ZFYVE9: variants seen among roughly 807,000 people sequenced by gnomAD.
The protein encoded by ZFYVE9 is zinc finger FYVE domain-containing protein 9.
In ZFYVE9, 43 loss-of-function variants were observed where a neutral mutation model predicts 126.7. That is an observed-to-expected ratio of 0.34 (90% CI 0.27 to 0.44). The LOEUF (loss-of-function observed/expected upper bound fraction) is 0.44, where lower values mean the gene tolerates loss of function less well. Ranked by LOEUF, ZFYVE9 falls within the 20% of genes least tolerant of loss-of-function variation. The probability of loss-of-function intolerance (pLI) is 1.00; values close to 1 mark genes in which losing one functional copy is unlikely to be tolerated. For synonymous variants in ZFYVE9, 521 were observed against 597.4 expected (o/e 0.87, Z 1.87); for missense variants, 1,476 against 1,697.0 (o/e 0.87, Z 2.29).
At chr1:52,200,140 C>T (rs1392813827) in intron 1 of ZFYVE9, among the ~76,000 whole-genome samples, 1 of 151,400 alleles carries the variant, frequency 6.6e-6, no homozygotes, top group Admixed American at 6.6e-5. Flanking sequence ...GTCTTTTCAT[C>T]CTCTTAACAG....
chr1:52,184,237 A>ATATT (rs1004178670), intron 1 of ZFYVE9, among the ~76,000 whole-genome samples: 1 of 141,580 alleles, frequency 7.1e-6, no homozygotes, highest in African/African-American at 2.6e-5. Flanking sequence ...ATATATATAT[A>ATATT]TTTTGAGATG....
chr1:52,281,374 C>G (rs951855170), intron 9 of ZFYVE9, among the ~76,000 whole-genome samples: 4 of 152,096 alleles, frequency 2.6e-5, no homozygotes, highest in Admixed American at 2.6e-4. Flanking sequence ...ACCTCATGAT[C>G]CACCCGCCTC....
intron 3 of ZFYVE9, among the ~76,000 whole-genome samples, chr1:52,236,982 A>G (rs576670394): frequency 1.4e-3 from 219 of 152,258 alleles, no homozygotes; most frequent in African/African-American, 5.1e-3. Context: ...TAAACTTTAT[A>G]TACATTAGAA....
intron 13 of ZFYVE9, among the ~76,000 whole-genome samples, chr1:52,309,777 A>G (rs1646120715): frequency 6.6e-6 from 1 of 152,140 alleles, no homozygotes; most frequent in Non-Finnish European, 1.5e-5. Context: ...ATTTTGGAAA[A>G]CTGAGTTTGG....
intron 13 of ZFYVE9, among the ~76,000 whole-genome samples, chr1:52,307,139 A>G (rs550281972): frequency 8.5e-5 from 13 of 152,368 alleles, no homozygotes; most frequent in African/African-American, 2.6e-4. Context: ...ACATATTGCT[A>G]TCCTTGATGT....
chr1:52,297,694 C>CT (rs898800531), intron 12 of ZFYVE9, among the ~76,000 whole-genome samples: 103 of 146,796 alleles, frequency 7.0e-4, no homozygotes, highest in African/African-American at 1.4e-3. Context: ...TTCCAGTTAT[C>CT]TTTTTTTTTT....
In ZFYVE9 at chr1:52,286,033, G is replaced by T. The variant is rs184126445; in HGVS notation, c.3025+4217G>T. On this transcript the variant is annotated intron_variant, in intron 10 of 18. Transcript: ENST00000287727. The stretch of plus-strand genomic sequence containing the variant: ...TAGCCGGGTGTGATGGTGGGCGCCT[G>T]TCATCCCAGCTACTTGGGAGGCTGA... Among the ~76,000 whole-genome samples, 51 of 152,090 alleles carry T rather than the reference G, an allele frequency of 3.4e-4. 1 individual carries two copies. The highest frequency in any genetic ancestry group is 1.2e-3 in the African/African-American group (51 of 41,514).
intron 1 of ZFYVE9, among the ~76,000 whole-genome samples, chr1:52,163,950 C>A (rs1236576060): frequency 6.6e-6 from 1 of 151,952 alleles, no homozygotes; most frequent in Non-Finnish European, 1.5e-5. Flanking sequence ...TTGAATATGA[C>A]CCAAATTTCT....
chr1:52,333,037 AACC>A (rs1482528618), intron 14 of ZFYVE9, 119 bp downstream of exon 14: 1 of 1,281,490 alleles, frequency 7.8e-7, no homozygotes, highest in East Asian at 2.5e-5. Context: ...CAAATTAATT[AACC>A]TTTCCAACCA....
intron 17 of ZFYVE9, 56 bp from the exon 18 acceptor site, chr1:52,344,712 C>T (rs181527006): frequency 1.1e-5 from 18 of 1,590,834 alleles, no homozygotes; most frequent in Non-Finnish European, 1.0e-5. Flanking sequence ...GTGAGCTAAT[C>T]TACTTCTCCC....
intron 13 of ZFYVE9, among the ~76,000 whole-genome samples, chr1:52,325,214 G>T (rs1479196851): frequency 6.6e-6 from 1 of 152,132 alleles, no homozygotes; most frequent in East Asian, 1.9e-4. Context: ...GGGAGGCAGA[G>T]CTTGCAGTGA....
intron 10 of ZFYVE9, among the ~76,000 whole-genome samples, chr1:52,284,866 TA>T (rs1220992284): frequency 6.6e-6 from 1 of 152,168 alleles, no homozygotes; most frequent in East Asian, 1.9e-4. Flanking sequence ...CTAAGCCAAC[TA>T]AAAATATTTT....
At chr1:52,169,679 T>C (rs1644546344) in intron 1 of ZFYVE9, among the ~76,000 whole-genome samples, 1 of 152,210 alleles carries the variant, frequency 6.6e-6, no homozygotes, top group South Asian at 2.1e-4. Flanking sequence ...GAGGGCTTAA[T>C]CTGTACCCTT....
At chr1:52,327,092 C>T (rs541644903) in intron 13 of ZFYVE9, among the ~76,000 whole-genome samples, 30 of 151,756 alleles carry the variant, frequency 2.0e-4, no homozygotes, top group African/African-American at 7.0e-4. Flanking sequence ...ACCCAGGAGG[C>T]GAAGTTTGCA....
In ZFYVE9 at chr1:52,290,858, ATTTCC is replaced by A. The variant is rs1187079571; in HGVS notation, c.3026-2590_3026-2586del. Among the ~76,000 whole-genome samples, 4 of 152,252 alleles carry A rather than the reference ATTTCC, an allele frequency of 2.6e-5. No individual in the cohort carries two copies. In the East Asian group the frequency reaches 7.7e-4, roughly 29 times the overall value. ...GCTGGTCCTGTTAGGCATTTTATAGATTTCCTTTCATTTATTCTTTATAACACATC... is the reference window on the plus strand; with the variant it reads ...GCTGGTCCTGTTAGGCATTTTATAGATTTCATTTATTCTTTATAACACATC... On this transcript the variant is annotated intron_variant, in intron 10 of 18. Transcript: ENST00000287727.
At chr1:52,311,252 C>T (rs995242570) in intron 13 of ZFYVE9, among the ~76,000 whole-genome samples, 3 of 140,154 alleles carry the variant, frequency 2.1e-5, no homozygotes, top group Non-Finnish European at 3.0e-5. Flanking sequence ...TCAAATAGAC[C>T]TTGGATTGAT....
intron 4 of ZFYVE9, among the ~76,000 whole-genome samples, chr1:52,260,178 A>G (rs1447029049): frequency 6.6e-6 from 1 of 152,066 alleles, no homozygotes; most frequent in Non-Finnish European, 1.5e-5. Context: ...CTATACCCTC[A>G]CCACCGTTAG....
intron 2 of ZFYVE9, among the ~76,000 whole-genome samples, chr1:52,229,357 C>G (rs1439873868): frequency 1.3e-5 from 2 of 152,146 alleles, no homozygotes; most frequent in Non-Finnish European, 2.9e-5. Context: ...TGTGGTGGTA[C>G]TGAGTTAAAT....
intron 4 of ZFYVE9, chr1:52,252,875 G>A (rs554983121): frequency 2.3e-5 from 5 of 212,882 alleles, no homozygotes; most frequent in Non-Finnish European, 5.1e-5. Context: ...GGCACCGATG[G>A]CAAGCACAAT....
Sources: gnomAD v4.1 joint callset for allele counts (sites outside exome capture counted in the v4.1 genomes callset) on GRCh38, gnomAD v4.1.1 for gene constraint, MANE v1.5 for transcripts, NCBI Gene and HGNC (gene_info 2026-07-23, HGNC 2026-07-21) for gene names.